Variants in ATAD2 observed in about 807,000 individuals in gnomAD.
ATAD2 encodes the protein ATPase family AAA domain-containing protein 2.
ATAD2 carries 62 observed loss-of-function variants against 168.9 expected under a neutral mutation model. The ratio of observed to expected loss-of-function variants is 0.37; its 90% confidence interval spans 0.30 to 0.45. ATAD2 has a LOEUF of 0.45. ATAD2 is among the 20% of genes least tolerant of loss of function. The pLI is 1.00. For synonymous variants in ATAD2, 613 were observed against 571.6 expected (o/e 1.07, Z -1.03); for missense variants, 1,419 against 1,667.8 (o/e 0.85, Z 2.60).
intron 1 of ATAD2, among the ~76,000 whole-genome samples, chr8:123,392,811 C>T (rs1812644633): frequency 6.6e-6 from 1 of 152,128 alleles, no homozygotes; most frequent in Non-Finnish European, 1.5e-5. Context: ...CTTAGGGCTG[C>T]TTCCAAACTT....
chr8:123,385,810 C>CAT (rs764009644), intron 1 of ATAD2, among the ~76,000 whole-genome samples: 12 of 151,530 alleles, frequency 7.9e-5, no homozygotes, highest in East Asian at 3.9e-4. Flanking sequence ...TACACGCATA[C>CAT]ATATATATAT....
intron 1 of ATAD2, among the ~76,000 whole-genome samples, chr8:123,392,011 G>C (rs978949861): frequency 6.6e-6 from 1 of 152,226 alleles, no homozygotes; most frequent in African/African-American, 2.4e-5. Context: ...ACATCCAGCA[G>C]AGTGCATTCT....
At position 123,345,467 on chromosome 8, in the gene ATAD2, T is replaced by C. The variant is rs552383422; in HGVS notation, c.2533-398A>G. On this transcript the variant is annotated intron_variant, in intron 18 of 27. Coordinates refer to ENST00000287394, the MANE Select transcript of ATAD2 (RefSeq NM_014109.4). Reference sequence around the variant, plus strand: ...GCCTGAGCCCAGGAGTTTGAGACCATCCTGGGCAACATGGTGAAACCCCGT... The same window carrying C: ...GCCTGAGCCCAGGAGTTTGAGACCACCCTGGGCAACATGGTGAAACCCCGT... Among the ~76,000 whole-genome samples the C allele has an allele frequency of 6.4e-5, 9 of 140,078 alleles. No individual in the cohort carries two copies. In the East Asian group the frequency reaches 1.9e-3, roughly 29 times the overall value. The allele number at this position is 140,078 out of a possible 152,430, so 91.9% of individuals were successfully genotyped here. A position where few individuals can be genotyped will look rare whatever the true frequency, so the allele number is the denominator to read the frequency against.
rs1355896568 is a variant in ATAD2, at chr8:123,388,785, T to C, written c.171+7402A>G. ...TCTGGTTTCAGGTGATCCTCTCACC[T>C]TGGCCTCCCAAAGTGCTGGGATTAG... is the stretch of plus-strand genomic sequence containing the variant. On this transcript the variant is annotated intron_variant, in intron 1 of 27. Coordinates refer to ENST00000287394, the MANE Select transcript of ATAD2 (RefSeq NM_014109.4). Among the ~76,000 whole-genome samples, 6 of 152,298 alleles carry C rather than the reference T, an allele frequency of 3.9e-5. No individual in the cohort carries two copies. The South Asian group carries it at 8.3e-4, about 21-fold the overall frequency.
At chr8:123,389,496 C>T (rs1016448628) in intron 1 of ATAD2, among the ~76,000 whole-genome samples, 8 of 151,340 alleles carry the variant, frequency 5.3e-5, no homozygotes, top group African/African-American at 1.7e-4. Context: ...AAAACTTAGC[C>T]GGGCGTGGTG....
At chr8:123,414,048 C>T (rs960212634) in intron 1 of ATAD2, among the ~76,000 whole-genome samples, 24 of 124,640 alleles carry the variant, frequency 1.9e-4, no homozygotes, top group African/African-American at 7.5e-4. Flanking sequence ...GTCAAGATTG[C>T]ACCACAGCAC....
chr8:123,370,651 T>C (rs1312429632), intron 6 of ATAD2, among the ~76,000 whole-genome samples: 1 of 152,116 alleles, frequency 6.6e-6, no homozygotes, highest in East Asian at 1.9e-4. Flanking sequence ...ATATACAGTG[T>C]GTTGTCCATA....
chr8:123,398,605 G>C, upstream of ATAD2, among the ~76,000 whole-genome samples: 1 of 152,142 alleles, frequency 6.6e-6, no homozygotes, highest in Non-Finnish European at 1.5e-5. Flanking sequence ...TTGACCTCCA[G>C]GGCTCAAGCA....
At chr8:123,334,115 C>A in intron 23 of ATAD2, 85 bp downstream of exon 23, 8 of 1,544,088 alleles carry the variant, frequency 5.2e-6, no homozygotes, top group Non-Finnish European at 6.1e-6. Context: ...CTGAAGCATC[C>A]TTTTCAGATG....
chr8:123,326,070 TATG>T lies in ATAD2; in HGVS notation c.3869-47_3869-45del, dbSNP rs774648655. Reference sequence around the variant, plus strand: ...TGATTATTATTTGGTCCATAGATATTATGATGTCTAAAATAAATAATAATATTA... The same window carrying T: ...TGATTATTATTTGGTCCATAGATATTATGTCTAAAATAAATAATAATATTA... On this transcript the variant is annotated intron_variant, in intron 25 of 27. Coordinates refer to ENST00000287394, the MANE Select transcript of ATAD2 (RefSeq NM_014109.4). 1.2e-5 allele frequency: 19 copies of T among 1,579,494 alleles called. No homozygotes were observed. The African/African-American group carries it at 1.2e-4, about 10-fold the overall frequency.
intron 22 of ATAD2, among the ~76,000 whole-genome samples, chr8:123,335,769 T>TATA (rs1827897894): frequency 6.6e-6 from 1 of 152,094 alleles, no homozygotes. Flanking sequence ...GCTTTGGGGG[T>TATA]ATCCACCACC....
In ATAD2 at chr8:123,348,377, T is replaced by C. The variant is rs1035043113; in HGVS notation, c.1807-104A>G. ...CTTTTGATTATCTAAAATTTTAAAG[T>C]GATCAGTACTTAATACTGGCCGGGT... On this transcript the variant is annotated intron_variant, in intron 14 of 27. Transcript: ENST00000287394. 1.5e-5 allele frequency: 14 copies of C among 950,320 alleles called. No individual in the cohort carries two copies. The South Asian group carries it at 1.8e-4, about 12-fold the overall frequency. The allele number at this position is 950,320 out of a possible 1,614,324, so 58.9% of individuals were successfully genotyped here. A position where few individuals can be genotyped will look rare whatever the true frequency, so the allele number is the denominator to read the frequency against.
intron 24 of ATAD2, among the ~76,000 whole-genome samples, chr8:123,333,003 C>A (rs1165769747): frequency 1.3e-5 from 2 of 151,710 alleles, no homozygotes. Context: ...ATCAATTACC[C>A]GAGGATGGAC....
intron 1 of ATAD2, among the ~76,000 whole-genome samples, chr8:123,413,939 G>A (rs1220087099): frequency 1.3e-5 from 2 of 151,676 alleles, no homozygotes; most frequent in African/African-American, 2.4e-5. Context: ...ATCACTTGAG[G>A]TCAGGAATTT....
At position 123,402,183 on chromosome 8, in the gene ATAD2, T is replaced by G. The variant is rs1166260462; in HGVS notation, c.-2281-1008A>C. ...TTCGGGCATAGCCTCCCTCCATCAC[T>G]GAGTGGTCCACAGATTTGCACTACG... On this transcript the variant is annotated intron_variant, in intron 1 of 28. Transcript: ENST00000521903. This position sits in a 1 kb window ranked among gnomAD's most constrained non-coding sequence, Gnocchi z 4.8. 1.5e-6 allele frequency: 1 copy of G among 663,264 alleles called. No homozygotes were observed. The highest frequency in any genetic ancestry group is 2.8e-6 in the Non-Finnish European group (1 of 363,628). 41.1% of individuals were successfully genotyped at this position (663,264 alleles called of 1,614,324 possible). A position where few individuals can be genotyped will look rare whatever the true frequency, so the allele number is the denominator to read the frequency against.
chr8:123,324,026 G>A (rs1464226021), intron 26 of ATAD2, among the ~76,000 whole-genome samples: 2 of 151,976 alleles, frequency 1.3e-5, no homozygotes, highest in Admixed American at 6.6e-5. Flanking sequence ...AACATAACAC[G>A]GTGAACTTAC....
Position 123,361,645 on chromosome 8 carries a change from G to A in ATAD2, c.1051C>T (p.Arg351Ter). The A allele has an allele frequency of 1.3e-6, 2 of 1,598,110 alleles. No individual in the cohort carries two copies. The highest frequency in any genetic ancestry group is 1.7e-6 in the Non-Finnish European group (2 of 1,167,418). ...TCACTACTGTGGATTGCATGCCTTC[G>A]CCTAAAGTAAAAAACAAAATTGAAA... Reference protein sequence around the residue: ...RSPYCKRMNRRRHAIHSSDST... With the variant: ...RSPYCKRMNR Residue 351 changes from arginine (R) to a stop codon, truncating the protein, a stop_gained and splice_region_variant, in exon 9 of 28, where the codon CGA (arginine) becomes TGA (stop). Coordinates refer to ENST00000287394, the MANE Select transcript of ATAD2 (RefSeq NM_014109.4). LOFTEE classifies it high-confidence loss of function.
At chr8:123,334,757 A>T (rs2131295907) in intron 22 of ATAD2, among the ~76,000 whole-genome samples, 1 of 152,358 alleles carries the variant, frequency 6.6e-6, no homozygotes, top group South Asian at 2.1e-4. Context: ...AACCCTCCAC[A>T]GGAAACACTG....
At chr8:123,321,593 C>CT (rs1224899876) in intron 27 of ATAD2, among the ~76,000 whole-genome samples, 4 of 151,884 alleles carry the variant, frequency 2.6e-5, no homozygotes, top group African/African-American at 9.7e-5. Flanking sequence ...TAAGTAATAT[C>CT]TTTTTTTAAA....
Sources: allele counts gnomAD v4.1 joint callset (sites outside exome capture counted in the v4.1 genomes callset), GRCh38; gene constraint gnomAD v4.1.1; non-coding constraint Gnocchi (gnomAD v3.1); transcripts MANE v1.5; gene names NCBI Gene and HGNC (gene_info 2026-07-23, HGNC 2026-07-21).